The following DENND1A variants were observed in gnomAD, a reference collection of about 807,000 sequenced individuals.
DENND1A encodes DENN domain-containing protein 1A.
In DENND1A, 51 loss-of-function variants were observed where a neutral mutation model predicts 113.7. That is an observed-to-expected ratio of 0.45 (90% CI 0.36 to 0.57). DENND1A has a LOEUF of 0.57. DENND1A is among the 20% of genes least tolerant of loss of function. DENND1A has a pLI of 0.00. For missense variants in DENND1A, 1,258 were observed against 1,395.9 expected (o/e 0.90, Z 1.57); for synonymous variants, 565 against 570.8 (o/e 0.99, Z 0.14).
intron 5 of DENND1A, among the ~76,000 whole-genome samples, chr9:123,742,347 C>A (rs540410958): frequency 2.0e-4 from 30 of 152,200 alleles, no homozygotes; most frequent in Admixed American, 4.6e-4. Context: ...TAGTTTCTGG[C>A]TGAAGTCCAT....
At chr9:123,759,267 T>C (rs1201346261) in intron 4 of DENND1A, 1 of 152,242 alleles carries the variant, frequency 6.6e-6, no homozygotes, top group African/African-American at 2.4e-5. Flanking sequence ...TGCTAGAGCT[T>C]GTAGACAAAT....
At chr9:123,493,640 T>A (rs1364608093) in intron 13 of DENND1A, among the ~76,000 whole-genome samples, 1 of 152,184 alleles carries the variant, frequency 6.6e-6, no homozygotes, top group Non-Finnish European at 1.5e-5. Context: ...GAAGAATCTC[T>A]AGTCCCCAGA....
intron 13 of DENND1A, among the ~76,000 whole-genome samples, chr9:123,542,891 C>T (rs750852848): frequency 6.6e-6 from 1 of 152,198 alleles, no homozygotes; most frequent in Non-Finnish European, 1.5e-5. Context: ...TGTGTAACCA[C>T]TTCCTTGCAT....
At chr9:123,391,289 C>G (rs1020072284) in intron 21 of DENND1A, among the ~76,000 whole-genome samples, 3 of 152,222 alleles carry the variant, frequency 2.0e-5, no homozygotes, top group African/African-American at 7.2e-5. Context: ...AGGGTACATC[C>G]AGGTGAGAAG....
chr9:123,754,807 C>T (rs2070381756), intron 5 of DENND1A, among the ~76,000 whole-genome samples: 1 of 152,198 alleles, frequency 6.6e-6, no homozygotes, highest in Admixed American at 6.5e-5. Context: ...TGGCTTCTCA[C>T]AAATATGAAA....
At chr9:123,483,438 C>G (rs1216251569) in intron 13 of DENND1A, among the ~76,000 whole-genome samples, 1 of 152,200 alleles carries the variant, frequency 6.6e-6, no homozygotes, top group Non-Finnish European at 1.5e-5. Flanking sequence ...AGACAAATCC[C>G]AAGCAGAGCA....
chr9:123,408,849 C>G (rs970821270), intron 20 of DENND1A, among the ~76,000 whole-genome samples: 2 of 152,228 alleles, frequency 1.3e-5, no homozygotes, highest in Non-Finnish European at 2.9e-5. Flanking sequence ...GTAGCTGTCT[C>G]CAATACTTGA....
At chr9:123,775,227 T>C (rs1156286623) in intron 3 of DENND1A, among the ~76,000 whole-genome samples, 3 of 152,334 alleles carry the variant, frequency 2.0e-5, no homozygotes, top group East Asian at 1.9e-4. Context: ...ACTTCCAAGA[T>C]GAACAAATGA....
chr9:123,741,756 A>G (rs529380163), intron 5 of DENND1A, among the ~76,000 whole-genome samples: 165 of 152,342 alleles, frequency 1.1e-3, no homozygotes, highest in Non-Finnish European at 1.9e-3. Context: ...GTGTCATTCA[A>G]CAAATGATAA....
intron 21 of DENND1A, among the ~76,000 whole-genome samples, chr9:123,392,382 G>T (rs1398858537): frequency 6.6e-6 from 1 of 152,208 alleles, no homozygotes; most frequent in African/African-American, 2.4e-5. Context: ...GCCAGGACTT[G>T]GTCTCCGGAG....
At chr9:123,603,742 T>G (rs1310676302) in intron 11 of DENND1A, among the ~76,000 whole-genome samples, 1 of 152,124 alleles carries the variant, frequency 6.6e-6, no homozygotes, top group African/African-American at 2.4e-5. Flanking sequence ...AACTAATTCA[T>G]AAAAAGTACT....
chr9:123,913,132 A>C (rs1246421525), intron 1 of DENND1A, among the ~76,000 whole-genome samples: 3 of 152,052 alleles, frequency 2.0e-5, no homozygotes, highest in East Asian at 3.9e-4. Context: ...AAAAAAAAAA[A>C]AAAAAACCTT....
intron 13 of DENND1A, among the ~76,000 whole-genome samples, chr9:123,477,390 A>ATTT (rs760921029): frequency 1.2e-4 from 17 of 145,210 alleles, no homozygotes; most frequent in African/African-American, 4.0e-4. Context: ...ATCTCTATAA[A>ATTT]TTTTTTTTTT....
intron 18 of DENND1A, among the ~76,000 whole-genome samples, chr9:123,446,723 G>A (rs1400509822): frequency 2.0e-5 from 3 of 152,126 alleles, no homozygotes; most frequent in African/African-American, 7.2e-5. Flanking sequence ...AGGTTGAGGC[G>A]GGAGGATCCC....
At chr9:123,554,485 G>A (rs566610684) in intron 13 of DENND1A, among the ~76,000 whole-genome samples, 7 of 152,348 alleles carry the variant, frequency 4.6e-5, no homozygotes, top group African/African-American at 1.7e-4. Context: ...CATGGGGAAT[G>A]TTGTTACATC....
chr9:123,835,750 G>A (rs1017841738), intron 2 of DENND1A, among the ~76,000 whole-genome samples: 2 of 151,426 alleles, frequency 1.3e-5, no homozygotes, highest in East Asian at 1.9e-4. Flanking sequence ...CGTTCACTCC[G>A]ATAGAAAAAA....
chr9:123,537,771 T>C (rs2055898109), intron 13 of DENND1A, among the ~76,000 whole-genome samples: 1 of 152,204 alleles, frequency 6.6e-6, no homozygotes, highest in African/African-American at 2.4e-5. Flanking sequence ...ACATTCAAGA[T>C]ACTCAAAATA....
At chr9:123,798,398 T>C (rs923222620) in intron 2 of DENND1A, 12 of 152,326 alleles carry the variant, frequency 7.9e-5, no homozygotes, top group South Asian at 6.2e-4. Context: ...TTTTCAGTTG[T>C]TGAAGTTATG....
intron 9 of DENND1A, among the ~76,000 whole-genome samples, chr9:123,631,432 G>A (rs1190533709): frequency 1.3e-5 from 2 of 152,150 alleles, no homozygotes; most frequent in Admixed American, 1.3e-4. Context: ...AGCAATCACT[G>A]ATGAAATGCA....
Sources: gnomAD v4.1 joint callset for allele counts (sites outside exome capture counted in the v4.1 genomes callset) on GRCh38, gnomAD v4.1.1 for gene constraint, MANE v1.5 for transcripts, NCBI Gene and HGNC (gene_info 2026-07-23, HGNC 2026-07-21) for gene names.